Variants in MRTFB observed in about 807,000 individuals in gnomAD.
MRTFB encodes myocardin-related transcription factor B.
A neutral mutation model predicts 104.2 loss-of-function variants in MRTFB; 29 were observed. That is an observed-to-expected ratio of 0.28 (90% CI 0.21 to 0.38). The LOEUF (loss-of-function observed/expected upper bound fraction) is 0.38. Among genes scored for constraint, MRTFB ranks in the 10% least tolerant of loss-of-function variants. The pLI is 1.00. For missense variants in MRTFB, 1,270 were observed against 1,341.6 expected (o/e 0.95, Z 0.83); for synonymous variants, 535 against 519.5 (o/e 1.03, Z -0.41).
rs761324368 is a variant in MRTFB, at chr16:14,246,720, C to T, written c.1460C>T (p.Pro487Leu). 3 of 1,614,076 alleles carry T rather than the reference C, an allele frequency of 1.9e-6. No individual in the cohort carries two copies. The African/African-American group carries it at 4.0e-5, about 22-fold the overall frequency. The stretch of plus-strand genomic sequence containing the variant: ...TCTACTCTCAAGGCAGAATTGCCAC[C>T]TACAGGAACCAGCAACGCAACCCGT... ...SVSTLKAELP[P>L]TGTSNATRVE... The change falls in exon 12 of 17, where the codon CCT becomes CTT. Residue 487 changes from proline to leucine, a missense_variant. This residue lies in a region of MRTFB where 1,144 missense variants were observed against 1,131.5 expected (regional missense o/e 1.01). Coordinates refer to ENST00000571589, the MANE Select transcript of MRTFB (RefSeq NM_001308142.2).
intron 2 of MRTFB, among the ~76,000 whole-genome samples, chr16:14,094,787 C>T (rs754230320): frequency 3.3e-5 from 5 of 152,152 alleles, no homozygotes; most frequent in African/African-American, 1.2e-4. Flanking sequence ...GCAGGGCTGG[C>T]GCTCCGCTGC....
chr16:14,216,384 TAG>T (rs987210330), intron 6 of MRTFB, among the ~76,000 whole-genome samples: 8 of 152,328 alleles, frequency 5.3e-5, no homozygotes, highest in African/African-American at 1.7e-4. Context: ...AAACATTTTT[TAG>T]AACAATGGAA....
At chr16:14,247,724 A>AC (rs2043085427) in intron 12 of MRTFB, 3 of 566,374 alleles carry the variant, frequency 5.3e-6, no homozygotes, top group Non-Finnish European at 9.3e-6. Flanking sequence ...TAGTCCTGTT[A>AC]CCTTTTCCCT....
intron 13 of MRTFB, 67 bp from the exon 14 acceptor site, chr16:14,251,795 T>C: frequency 1.3e-6 from 2 of 1,564,432 alleles, no homozygotes; most frequent in Non-Finnish European, 8.7e-7. Context: ...TCCTAAAACA[T>C]GGTTTTCTTT....
At chr16:14,247,588 G>A (rs2043078124) in intron 12 of MRTFB, 81 bp downstream of exon 12, 10 of 1,319,262 alleles carry the variant, frequency 7.6e-6, no homozygotes, top group Non-Finnish European at 1.0e-5. Context: ...CCATACCTGA[G>A]CTCTTCCATA....
At chr16:14,032,377 G>A in the MRTFB span, among the ~76,000 whole-genome samples, 218 of 152,334 alleles carry the variant, frequency 1.4e-3, 1 homozygote, top group African/African-American at 5.1e-3. Context: ...TGCTAGGAGA[G>A]TGATGTGTTC....
At chr16:14,142,423 G>A (rs1016990162) in intron 3 of MRTFB, 2 of 151,376 alleles carry the variant, frequency 1.3e-5, no homozygotes, top group Non-Finnish European at 2.9e-5. Flanking sequence ...ATTTTTTCTA[G>A]TTTTAGTAGA....
Position 14,265,976 on chromosome 16 carries a change from G to T in MRTFB, c.*4532G>T, listed in dbSNP as rs981921525. Reference sequence around the variant, plus strand: ...TTACCTCTCTACGTGATGCTGTAAGGAATCTTGCTAATTTGGTAGGAAGAG... The same window carrying T: ...TTACCTCTCTACGTGATGCTGTAAGTAATCTTGCTAATTTGGTAGGAAGAG... On this transcript the variant is annotated 3_prime_UTR_variant, in exon 17 of 17. Transcript: ENST00000571589. 1 of 152,210 alleles carries T rather than the reference G, an allele frequency of 6.6e-6. No individual in the cohort carries two copies. The highest frequency in any genetic ancestry group is 1.5e-5 in the Non-Finnish European group (1 of 68,038). 9.4% of individuals were successfully genotyped at this position (152,210 alleles called of 1,614,324 possible). A position where few individuals can be genotyped will look rare whatever the true frequency, so the allele number is the denominator to read the frequency against.
intron 7 of MRTFB, 93 bp from the exon 8 acceptor site, chr16:14,218,727 A>G: frequency 7.5e-7 from 1 of 1,326,042 alleles, no homozygotes; most frequent in African/African-American, 1.5e-5. Context: ...CAGCTTCATA[A>G]ATTTTCATAG....
At chr16:14,001,162 T>G in the MRTFB span, among the ~76,000 whole-genome samples, 1 of 152,338 alleles carries the variant, frequency 6.6e-6, no homozygotes, top group South Asian at 2.1e-4. Context: ...AAGACGCTTG[T>G]GGTTGCAAGC....
chr16:14,044,963 C>T, the MRTFB span, among the ~76,000 whole-genome samples: 9 of 152,158 alleles, frequency 5.9e-5, no homozygotes, highest in Admixed American at 2.0e-4. Context: ...CTCAAGGCAT[C>T]TTCCCACTGA....
chr16:14,122,657 G>A (rs2036912644), intron 2 of MRTFB, among the ~76,000 whole-genome samples: 1 of 152,134 alleles, frequency 6.6e-6, no homozygotes, highest in South Asian at 2.1e-4. Context: ...GTGTATATAT[G>A]TGCCACATTT....
the MRTFB span, among the ~76,000 whole-genome samples, chr16:14,060,945 G>A: frequency 1.3e-5 from 2 of 152,124 alleles, no homozygotes; most frequent in African/African-American, 2.4e-5. Flanking sequence ...AGGAGATCGA[G>A]ACCATCCTGG....
At chr16:14,199,570 G>C (rs2040591605) in intron 3 of MRTFB, among the ~76,000 whole-genome samples, 1 of 152,156 alleles carries the variant, frequency 6.6e-6, no homozygotes, top group Non-Finnish European at 1.5e-5. Flanking sequence ...GCTTAAGCCT[G>C]AAACCCAGGA....
chr16:14,112,685 C>G (rs1430727685), intron 2 of MRTFB, among the ~76,000 whole-genome samples: 1 of 152,238 alleles, frequency 6.6e-6, no homozygotes, highest in Non-Finnish European at 1.5e-5. Context: ...TGTTTCTGCT[C>G]CAGGCACTGG....
At chr16:14,159,888 C>T (rs1411040183) in intron 3 of MRTFB, among the ~76,000 whole-genome samples, 1 of 142,168 alleles carries the variant, frequency 7.0e-6, no homozygotes, top group Non-Finnish European at 1.5e-5. Flanking sequence ...CGAGATCCCG[C>T]CACTGCACTC....
chr16:14,134,698 C>T (rs1279412943), intron 2 of MRTFB, among the ~76,000 whole-genome samples: 4 of 152,214 alleles, frequency 2.6e-5, no homozygotes, highest in African/African-American at 9.6e-5. Flanking sequence ...TCGTGTCCCT[C>T]TTTCCCGTCT....
chr16:14,196,766 G>T (rs1413383018), intron 3 of MRTFB, among the ~76,000 whole-genome samples: 1 of 152,156 alleles, frequency 6.6e-6, no homozygotes, highest in East Asian at 1.9e-4. Context: ...TGCTTACCCA[G>T]TGCAGATAGC....
chr16:14,204,799 C>T (rs767053799), intron 3 of MRTFB, among the ~76,000 whole-genome samples: 1 of 152,088 alleles, frequency 6.6e-6, no homozygotes, highest in East Asian at 1.9e-4. Context: ...ATGGTTAATA[C>T]GTGAGGAAAT....
Sources: gnomAD v4.1 joint callset for allele counts (sites outside exome capture counted in the v4.1 genomes callset) on GRCh38, gnomAD v4.1.1 for gene constraint, gnomAD v4.1.1 regional missense constraint, MANE v1.5 for transcripts, NCBI Gene and HGNC (gene_info 2026-07-23, HGNC 2026-07-21) for gene names.